KHDRBS2: variants seen among roughly 807,000 people sequenced by gnomAD.
KHDRBS2 encodes the protein KH RNA binding domain containing, signal transduction associated 2, also known as KH domain-containing, RNA-binding, signal transduction-associated protein 2.
A neutral mutation model predicts 44.3 loss-of-function variants in KHDRBS2; 26 were observed. That is an observed-to-expected ratio of 0.59 (90% confidence interval 0.43 to 0.81). The LOEUF is 0.81. Among genes scored for constraint, KHDRBS2 ranks in the 40% least tolerant of loss-of-function variants. The pLI is 0.00. For missense variants in KHDRBS2, 476 were observed against 433.1 expected (o/e 1.10, Z -0.88); for synonymous variants, 194 against 151.1 (o/e 1.28, Z -2.08).
the KHDRBS2 span, among the ~76,000 whole-genome samples, chr6:61,618,996 C>A: frequency 6.6e-6 from 1 of 152,068 alleles, no homozygotes; most frequent in Non-Finnish European, 1.5e-5. Context: ...ATGGTATATT[C>A]CTCAGCAGCA....
chr6:62,058,650 A>T (rs1790876008), intron 2 of KHDRBS2, among the ~76,000 whole-genome samples: 1 of 151,918 alleles, frequency 6.6e-6, no homozygotes, highest in South Asian at 2.1e-4. Flanking sequence ...TCATCAAAAA[A>T]CATTGGTGAG....
intron 8 of KHDRBS2, among the ~76,000 whole-genome samples, chr6:61,687,942 C>T (rs1766997714): frequency 6.6e-6 from 1 of 151,750 alleles, no homozygotes; most frequent in Non-Finnish European, 1.5e-5. Context: ...ATTCAAACTT[C>T]TTGGTGGTAG....
chr6:61,857,669 T>C (rs1796333528), intron 6 of KHDRBS2, among the ~76,000 whole-genome samples: 1 of 152,020 alleles, frequency 6.6e-6, no homozygotes, highest in Non-Finnish European at 1.5e-5. Flanking sequence ...CAGCAAGTTA[T>C]ATACACAGAG....
intron 1 of KHDRBS2, among the ~76,000 whole-genome samples, chr6:62,221,853 C>G (rs1168380113): frequency 6.6e-6 from 1 of 152,066 alleles, no homozygotes; most frequent in African/African-American, 2.4e-5. Flanking sequence ...TAAGCACACC[C>G]TGAGAATTCA....
At chr6:62,156,727 A>T (rs540107151) in intron 2 of KHDRBS2, among the ~76,000 whole-genome samples, 1 of 151,966 alleles carries the variant, frequency 6.6e-6, no homozygotes, top group Non-Finnish European at 1.5e-5. Flanking sequence ...AGTGCAGTGC[A>T]GTGGCGTGAT....
chr6:62,177,264 T>C lies in KHDRBS2; in HGVS notation c.140A>G (p.Lys47Arg). The change falls in exon 2 of 9, where the codon AAG becomes AGG. Residue 47 changes from lysine to arginine, a missense_variant. By Grantham distance (26) the Lys-to-Arg change is conservative (BLOSUM62 2). Transcript: ENST00000281156. ...GTTGCTGATGACATCAAGATACTTC[T>C]TTTCTTCGTCTTCCTTTTTTCCATC... Reference protein sequence around the residue: ...GSDGKKEDEEKKYLDVISNKN... With the variant: ...GSDGKKEDEERKYLDVISNKN... 2 of 1,602,244 alleles carry C rather than the reference T, an allele frequency of 1.2e-6. No individual in the cohort carries two copies. The highest frequency in any genetic ancestry group is 2.2e-5 in the South Asian group (2 of 90,412).
intron 1 of KHDRBS2, among the ~76,000 whole-genome samples, chr6:62,200,237 G>C (rs1404736807): frequency 6.6e-6 from 1 of 152,112 alleles, no homozygotes; most frequent in African/African-American, 2.4e-5. Context: ...TGACAAATGG[G>C]ATCTAATTAA....
intron 2 of KHDRBS2, among the ~76,000 whole-genome samples, chr6:62,133,410 C>A (rs1257600089): frequency 2.0e-5 from 3 of 152,148 alleles, no homozygotes; most frequent in Non-Finnish European, 2.9e-5. Context: ...TAAAATGTGT[C>A]TTTTGCCTTC....
chr6:61,670,644 G>T, the KHDRBS2 span, among the ~76,000 whole-genome samples: 4 of 150,952 alleles, frequency 2.6e-5, no homozygotes, highest in Admixed American at 6.6e-5. Flanking sequence ...TGTAAATTCC[G>T]TAAATAAGTG....
chr6:61,846,504 G>T (rs750075686), intron 6 of KHDRBS2, among the ~76,000 whole-genome samples: 6 of 152,060 alleles, frequency 3.9e-5, no homozygotes, highest in Non-Finnish European at 7.4e-5. Flanking sequence ...AGAAAAGTCT[G>T]CCCTGAGCTG....
At chr6:61,647,513 C>G in the KHDRBS2 span, among the ~76,000 whole-genome samples, 3 of 152,010 alleles carry the variant, frequency 2.0e-5, no homozygotes, top group Non-Finnish European at 4.4e-5. Flanking sequence ...AGATATGAAT[C>G]GTCTTCAGTT....
rs1276596397 is a variant in KHDRBS2 at position 62,286,041 on chromosome 6, GCTC to G, written c.-96_-94del. 2.1e-5 allele frequency: 16 copies of G among 756,426 alleles called. No individual in the cohort carries two copies. Among genetic ancestry groups the G allele is most frequent in the Non-Finnish European group, 3.4e-5 (15 of 436,862 alleles). The allele number at this position is 756,426 out of a possible 1,614,324, so 46.9% of individuals were successfully genotyped here. On this transcript the variant is annotated 5_prime_UTR_variant, in exon 1 of 9. Coordinates refer to ENST00000281156, the MANE Select transcript of KHDRBS2 (RefSeq NM_152688.4). Reference sequence around the variant, plus strand: ...TGGGGCAGCGCCTGGCTCCCGCGCTGCTCCTCCTCCGCGCGGCGAGGGATCTCT... The same window carrying G: ...TGGGGCAGCGCCTGGCTCCCGCGCTGCTCCTCCGCGCGGCGAGGGATCTCT...
intron 6 of KHDRBS2, among the ~76,000 whole-genome samples, chr6:61,862,816 G>A (rs1409278820): frequency 1.3e-5 from 2 of 152,076 alleles, no homozygotes; most frequent in African/African-American, 4.8e-5. Flanking sequence ...TTTGGTATCA[G>A]GATGACGCTG....
chr6:61,780,352 T>C (rs1782747468), intron 6 of KHDRBS2, among the ~76,000 whole-genome samples: 2 of 151,960 alleles, frequency 1.3e-5, no homozygotes, highest in Admixed American at 1.3e-4. Context: ...ACACAAAAAA[T>C]AGCCAGGTGT....
At chr6:61,866,381 G>A (rs1797805419) in intron 6 of KHDRBS2, among the ~76,000 whole-genome samples, 1 of 152,218 alleles carries the variant, frequency 6.6e-6, no homozygotes, top group African/African-American at 2.4e-5. Context: ...CGAGCTCTAT[G>A]TCGGCCCCTT....
At chr6:61,851,279 G>C (rs367939735) in intron 6 of KHDRBS2, among the ~76,000 whole-genome samples, 1 of 151,502 alleles carries the variant, frequency 6.6e-6, no homozygotes, top group Non-Finnish European at 1.5e-5. Context: ...ATATGTGTGT[G>C]TATATGTGTG....
intron 1 of KHDRBS2, among the ~76,000 whole-genome samples, chr6:62,217,955 G>C (rs769471941): frequency 6.6e-6 from 1 of 151,760 alleles, no homozygotes; most frequent in Non-Finnish European, 1.5e-5. Flanking sequence ...CTTATTAAAA[G>C]CAACAAAAGA....
intron 6 of KHDRBS2, among the ~76,000 whole-genome samples, chr6:61,820,435 T>C (rs1319053551): frequency 2.0e-5 from 3 of 151,952 alleles, no homozygotes; most frequent in East Asian, 3.9e-4. Flanking sequence ...AGAGATATTA[T>C]AGAGAAGATG....
At chr6:61,714,463 A>G (rs1340235391) in intron 7 of KHDRBS2, among the ~76,000 whole-genome samples, 1 of 151,870 alleles carries the variant, frequency 6.6e-6, no homozygotes, top group Non-Finnish European at 1.5e-5. Context: ...AGTACAACCT[A>G]TATGGAAACT....
Sources: gnomAD v4.1 joint callset for allele counts (sites outside exome capture counted in the v4.1 genomes callset) on GRCh38, gnomAD v4.1.1 for gene constraint, MANE v1.5 for transcripts, NCBI Gene and HGNC (gene_info 2026-07-23, HGNC 2026-07-21) for gene names.